The following PCDHA6 variants were observed in gnomAD, a reference collection of about 807,000 sequenced individuals.
PCDHA6 encodes protocadherin alpha 6.
Under a neutral mutation model 60.3 loss-of-function variants are expected in PCDHA6, and 55 were observed. The ratio of observed to expected loss-of-function variants is 0.91; its 90% CI spans 0.73 to 1.14. The LOEUF (loss-of-function observed/expected upper bound fraction) is 1.14. PCDHA6 is among the 50% of genes most tolerant of loss of function. The pLI is 0.00. For missense variants in PCDHA6, 1,327 were observed against 1,256.5 expected (o/e 1.06, Z -0.85); for synonymous variants, 652 against 557.9 (o/e 1.17, Z -2.38).
intron 1 of PCDHA6, among the ~76,000 whole-genome samples, chr5:140,934,783 A>C (rs2090034582): frequency 6.6e-6 from 1 of 152,180 alleles, no homozygotes; most frequent in Non-Finnish European, 1.5e-5. Context: ...GGCCCAATCC[A>C]TGTCAATTAT....
At chr5:140,941,750 T>C (rs528792646) in intron 1 of PCDHA6, among the ~76,000 whole-genome samples, 2 of 152,384 alleles carry the variant, frequency 1.3e-5, no homozygotes, top group Admixed American at 6.5e-5. Flanking sequence ...TATCAGATTT[T>C]CAGTGCTTTT....
chr5:140,835,722 G>T, intron 1 of PCDHA6: 1 of 1,613,846 alleles, frequency 6.2e-7, no homozygotes. Context: ...GGAGGTGGCC[G>T]ACGTGAACGA....
chr5:140,972,589 T>C (rs1258846206), intron 1 of PCDHA6, among the ~76,000 whole-genome samples: 2 of 152,074 alleles, frequency 1.3e-5, no homozygotes, highest in Non-Finnish European at 2.9e-5. Flanking sequence ...AGAATTTCTC[T>C]TTGGAAATTT....
At chr5:140,895,897 C>T (rs994708254) in intron 1 of PCDHA6, among the ~76,000 whole-genome samples, 25 of 152,240 alleles carry the variant, frequency 1.6e-4, no homozygotes, top group African/African-American at 5.3e-4. Flanking sequence ...CTGCAACCTC[C>T]GCGTCCCGGG....
intron 1 of PCDHA6, chr5:140,876,086 C>T (rs371336139): frequency 2.5e-6 from 4 of 1,613,778 alleles, no homozygotes; most frequent in East Asian, 2.2e-5. Flanking sequence ...AGAGAGCAAA[C>T]GCCAAAACTC....
intron 1 of PCDHA6, chr5:140,866,111 C>T (rs2049154536): frequency 6.6e-6 from 1 of 151,970 alleles, no homozygotes; most frequent in South Asian, 2.1e-4. Flanking sequence ...TTAAGAGTTG[C>T]CTTATAAGAA....
At chr5:141,005,184 A>G (rs964423938) in intron 3 of PCDHA6, among the ~76,000 whole-genome samples, 27 of 152,196 alleles carry the variant, frequency 1.8e-4, no homozygotes, top group Non-Finnish European at 3.7e-4. Flanking sequence ...CACTTCTCAC[A>G]TCAGTCCTTT....
chr5:140,983,239 C>CCTGCTAAGTTGTGTAAAAAA (rs1261909895), intron 3 of PCDHA6, among the ~76,000 whole-genome samples: 1 of 152,176 alleles, frequency 6.6e-6, no homozygotes, highest in Non-Finnish European at 1.5e-5. Flanking sequence ...GGAAAGAGAA[C>CCTGCTAAGTTGTGTAAAAAA]CTGCTAAGTT....
intron 1 of PCDHA6, chr5:140,966,280 G>A (rs782249047): frequency 2.0e-4 from 74 of 365,660 alleles, no homozygotes; most frequent in Middle Eastern, 6.9e-4. Context: ...CTGGACAGTG[G>A]GGGTAGGGAG....
intron 1 of PCDHA6, chr5:140,876,130 C>T: frequency 6.2e-7 from 1 of 1,613,938 alleles, no homozygotes; most frequent in Non-Finnish European, 8.5e-7. Context: ...TGGCGGTAAA[C>T]CAGAACTAAC....
In PCDHA6 at chr5:140,843,826, A is replaced by G. The variant is rs2150366949; in HGVS notation, c.2394+13341A>G. ...CGTATTTTATAGTGAAAATTTAAAC[A>G]TTGTTTAGTTTTTAGAAACCTTTTA... On this transcript the variant is annotated intron_variant, in intron 1 of 3. Coordinates refer to ENST00000529310, the MANE Select transcript of PCDHA6 (RefSeq NM_018909.4). 117 of 1,185,698 alleles carry G rather than the reference A, an allele frequency of 9.9e-5. 4 individuals carry two copies. The African/African-American group carries it at 1.7e-3, about 17-fold the overall frequency. 73.4% of individuals were successfully genotyped at this position (1,185,698 alleles called of 1,614,324 possible). A position where few individuals can be genotyped will look rare whatever the true frequency, so the allele number is the denominator to read the frequency against.
intron 1 of PCDHA6, chr5:140,871,151 C>T: frequency 6.2e-7 from 1 of 1,613,328 alleles, no homozygotes; most frequent in Non-Finnish European, 8.5e-7. Flanking sequence ...CGGACTTTGG[C>T]GGGCGCCGCG....
chr5:140,834,454 G>A, intron 1 of PCDHA6: 1 of 1,614,182 alleles, frequency 6.2e-7, no homozygotes, highest in South Asian at 1.1e-5. Flanking sequence ...CTAGCAGCTT[G>A]GGAGGCAGGG....
intron 1 of PCDHA6, chr5:140,851,866 C>T (rs1486270411): frequency 2.0e-6 from 2 of 976,572 alleles, no homozygotes; most frequent in South Asian, 9.5e-5. Flanking sequence ...TCATACATAA[C>T]ACAAGGCAGA....
intron 1 of PCDHA6, chr5:140,864,715 T>G (rs540368944): frequency 1.3e-5 from 2 of 152,390 alleles, no homozygotes; most frequent in Non-Finnish European, 2.9e-5. Flanking sequence ...GCTCTTCTAC[T>G]ATTTTGGGAA....
chr5:140,843,329 G>A, intron 1 of PCDHA6: 3 of 1,596,060 alleles, frequency 1.9e-6, no homozygotes, highest in Non-Finnish European at 2.6e-6. Flanking sequence ...GGTGTCGCTG[G>A]TGGAGAGCGG....
At chr5:140,845,550 G>C (rs185907796) in intron 1 of PCDHA6, among the ~76,000 whole-genome samples, 1 of 149,478 alleles carries the variant, frequency 6.7e-6, no homozygotes, top group East Asian at 1.9e-4. Flanking sequence ...TTATGGTGAT[G>C]CTTTTAGCTA....
intron 1 of PCDHA6, among the ~76,000 whole-genome samples, chr5:140,889,040 A>G (rs1313734637): frequency 4.6e-5 from 7 of 152,094 alleles, no homozygotes; most frequent in African/African-American, 1.4e-4. Context: ...TAATTTGATT[A>G]TAATTTATAA....
At chr5:140,843,797 TC>T (rs2150366805) in intron 1 of PCDHA6, 1 of 1,359,254 alleles carries the variant, frequency 7.4e-7, no homozygotes, top group South Asian at 1.4e-5. Flanking sequence ...ATTTAGTTTT[TC>T]ACCGTATTTT....
Sources: gnomAD v4.1 joint callset for allele counts (sites outside exome capture counted in the v4.1 genomes callset) on GRCh38, gnomAD v4.1.1 for gene constraint, MANE v1.5 for transcripts, NCBI Gene and HGNC (gene_info 2026-07-23, HGNC 2026-07-21) for gene names.